Variants in DYNC1I2 observed in about 807,000 individuals in gnomAD.
The protein encoded by DYNC1I2 is cytoplasmic dynein 1 intermediate chain 2.
Under a neutral mutation model 88.6 loss-of-function variants are expected in DYNC1I2, and 53 were observed. The ratio of observed to expected loss-of-function variants is 0.60; its 90% CI spans 0.48 to 0.75. The LOEUF (loss-of-function observed/expected upper bound fraction) is 0.75, where lower values mean the gene tolerates loss of function less well. Ranked by LOEUF, DYNC1I2 falls within the 30% of genes least tolerant of loss-of-function variation. The pLI, the probability that DYNC1I2 is intolerant of heterozygous loss-of-function variation, is 0.00. For synonymous variants in DYNC1I2, 198 were observed against 254.6 expected, an observed-to-expected ratio of 0.78 and a Z score of 2.12; for missense variants, 458 against 766.6, an observed-to-expected ratio of 0.60 and a Z score of 4.75.
At chr2:171,747,207 T>TTATATATATATATATATATATATA (rs67834157) in intron 17 of DYNC1I2, among the ~76,000 whole-genome samples, 20 of 124,670 alleles carry the variant, frequency 1.6e-4, no homozygotes, top group African/African-American at 2.4e-4. Flanking sequence ...AAAAAAAAAA[T>TTATATATATATATATATATATATA]TATATATATA....
intron 10 of DYNC1I2, chr2:171,726,502 T>C: frequency 3.6e-6 from 2 of 559,248 alleles, no homozygotes; most frequent in Non-Finnish European, 3.0e-6. Flanking sequence ...CAGGACTTTA[T>C]GATACAGGCC....
At chr2:171,687,780 G>C (rs1685072195) in intron 1 of DYNC1I2, 153 bp downstream of exon 1, 1 of 152,706 alleles carries the variant, frequency 6.5e-6, no homozygotes, top group African/African-American at 2.4e-5. Flanking sequence ...CCGCGGAGCT[G>C]GTGGTGGCTA....
At chr2:171,735,777 G>C (rs1185131081) in intron 15 of DYNC1I2, among the ~76,000 whole-genome samples, 1 of 152,190 alleles carries the variant, frequency 6.6e-6, no homozygotes, top group African/African-American at 2.4e-5. Flanking sequence ...TTGATTATGG[G>C]TAGACCTGGT....
At chr2:171,738,667 T>C (rs751194255) in intron 15 of DYNC1I2, among the ~76,000 whole-genome samples, 1 of 152,212 alleles carries the variant, frequency 6.6e-6, no homozygotes, top group Non-Finnish European at 1.5e-5. Flanking sequence ...AAAAATAAGC[T>C]GTTTTTGAAG....
At chr2:171,742,655 G>T (rs1251596085) in intron 15 of DYNC1I2, among the ~76,000 whole-genome samples, 1 of 152,044 alleles carries the variant, frequency 6.6e-6, no homozygotes, top group Non-Finnish European at 1.5e-5. Flanking sequence ...GGGAGGGAAT[G>T]GGCAAGGATA....
chr2:171,740,878 G>A (rs917139316), intron 15 of DYNC1I2, among the ~76,000 whole-genome samples: 1 of 152,010 alleles, frequency 6.6e-6, no homozygotes, highest in South Asian at 2.1e-4. Context: ...ACAGAGGCAC[G>A]CCTAATTGCC....
In DYNC1I2 at chr2:171,725,970, A is replaced by G. The variant is rs775113599; in HGVS notation, c.659A>G (p.Glu220Gly). 1 of 1,593,480 alleles carries G rather than the reference A, an allele frequency of 6.3e-7. No individual in the cohort carries two copies. The highest frequency in any genetic ancestry group is 1.2e-5 in the South Asian group (1 of 86,376). ...GAAAAGCAACAAATCTTGCACTCTG[A>G]GGAATTTTTAAGTTTCTTTGACCAT... ...EEEKQQILHS[E>G]EFLSFFDHST... Residue 220 changes from glutamate to glycine, a missense_variant, in exon 9 of 18, where the codon GAG becomes GGG. Around this residue, in one of 5 missense-constraint regions of DYNC1I2, gnomAD observed 203 missense variants for 354.2 expected, o/e 0.57. Coordinates refer to ENST00000397119, the MANE Select transcript of DYNC1I2 (RefSeq NM_001378.3).
intron 15 of DYNC1I2, among the ~76,000 whole-genome samples, chr2:171,739,959 G>C (rs1014121073): frequency 1.3e-5 from 2 of 152,072 alleles, no homozygotes; most frequent in African/African-American, 4.8e-5. Context: ...GCCTGCCTCA[G>C]CCCTCCTCGG....
chr2:171,745,652 C>G, intron 16 of DYNC1I2, 150 bp from the exon 17 acceptor site: 3 of 797,010 alleles, frequency 3.8e-6, no homozygotes, highest in South Asian at 2.0e-5. Context: ...TAATATATCA[C>G]TGAAGAAGAA....
At chr2:171,703,555 CT>C (rs559606437) in intron 3 of DYNC1I2, among the ~76,000 whole-genome samples, 3 of 151,874 alleles carry the variant, frequency 2.0e-5, no homozygotes, top group Admixed American at 1.3e-4. Context: ...TTATTAATTT[CT>C]TTTTTTTAAT....
intron 7 of DYNC1I2, among the ~76,000 whole-genome samples, chr2:171,721,645 A>G (rs1574582874): frequency 6.6e-6 from 1 of 152,210 alleles, no homozygotes; most frequent in South Asian, 2.1e-4. Flanking sequence ...AAGTCAAATC[A>G]TATTTTTATA....
intron 15 of DYNC1I2, among the ~76,000 whole-genome samples, chr2:171,730,558 C>G (rs1485664180): frequency 6.6e-6 from 1 of 152,148 alleles, no homozygotes; most frequent in African/African-American, 2.4e-5. Context: ...AACATTACCT[C>G]CTGTGATAGA....
intron 1 of DYNC1I2, among the ~76,000 whole-genome samples, chr2:171,689,006 TAAA>T (rs1042657409): frequency 6.8e-6 from 1 of 146,860 alleles, no homozygotes; most frequent in Non-Finnish European, 1.5e-5. Context: ...CTAGGCTACT[TAAA>T]AAAAAAAAAT....
At chr2:171,727,712 T>C (rs1206374944) in intron 11 of DYNC1I2, 109 bp from the exon 12 acceptor site, 4 of 972,872 alleles carry the variant, frequency 4.1e-6, no homozygotes, top group Non-Finnish European at 6.1e-6. Flanking sequence ...TTATAACCTC[T>C]AATACCATAC....
At chr2:171,721,458 A>T (rs959077001) in intron 7 of DYNC1I2, among the ~76,000 whole-genome samples, 7 of 152,216 alleles carry the variant, frequency 4.6e-5, no homozygotes, top group Admixed American at 1.3e-4. Flanking sequence ...AGTGATGGAC[A>T]AATGGATTGA....
intron 3 of DYNC1I2, among the ~76,000 whole-genome samples, chr2:171,693,437 C>T (rs889553964): frequency 2.0e-5 from 3 of 152,200 alleles, no homozygotes; most frequent in African/African-American, 7.2e-5. Flanking sequence ...ATTTTGATAA[C>T]TGTACTAGAC....
chr2:171,721,760 T>A (rs563233986), intron 7 of DYNC1I2, among the ~76,000 whole-genome samples: 48 of 152,276 alleles, frequency 3.2e-4, no homozygotes, highest in African/African-American at 9.6e-4. Flanking sequence ...TATTAAGTTA[T>A]CTTAAAATGG....
chr2:171,737,106 G>T (rs1689060967), intron 15 of DYNC1I2, among the ~76,000 whole-genome samples: 1 of 152,274 alleles, frequency 6.6e-6, no homozygotes, highest in South Asian at 2.1e-4. Context: ...AGGAGAATCT[G>T]TTTCTTGTCT....
chr2:171,742,258 G>A (rs1689492166), intron 15 of DYNC1I2, among the ~76,000 whole-genome samples: 1 of 151,792 alleles, frequency 6.6e-6, no homozygotes, highest in South Asian at 2.1e-4. Flanking sequence ...CTGCAGCCTC[G>A]ACATCCTGGG....
Sources: gnomAD v4.1 joint callset for allele counts (sites outside exome capture counted in the v4.1 genomes callset) on GRCh38, gnomAD v4.1.1 for gene constraint, gnomAD v4.1.1 regional missense constraint, MANE v1.5 for transcripts, NCBI Gene and HGNC (gene_info 2026-07-23, HGNC 2026-07-21) for gene names.